Variants in DYTN observed in about 807,000 individuals in gnomAD.
DYTN encodes dystrotelin.
A neutral mutation model predicts 69.6 loss-of-function variants in DYTN; 75 were observed. The observed-to-expected ratio is 1.08, with a 90% CI of 0.89 to 1.31. The LOEUF (loss-of-function observed/expected upper bound fraction) is 1.31. DYTN is among the 50% of genes most tolerant of loss of function. The pLI, the probability that DYTN is intolerant of heterozygous loss-of-function variation, is 0.00. For missense variants in DYTN, 726 were observed against 688.4 expected (o/e 1.05, Z -0.61); for synonymous variants, 252 against 249.1 (o/e 1.01, Z -0.11).
chr2:206,714,667 C>T (rs1700110725), intron 1 of DYTN, among the ~76,000 whole-genome samples: 1 of 143,152 alleles, frequency 7.0e-6, no homozygotes, highest in Non-Finnish European at 1.5e-5. Flanking sequence ...CAGGGCTGTC[C>T]TTCCTAGCAG....
chr2:206,710,435 C>T, intron 2 of DYTN, 89 bp downstream of exon 2: 3 of 1,232,360 alleles, frequency 2.4e-6, no homozygotes, highest in Non-Finnish European at 1.1e-6. Context: ...TAGTCAGCTG[C>T]ATGGGGGGAG....
At chr2:206,691,423 T>A (rs1032476922) in intron 9 of DYTN, among the ~76,000 whole-genome samples, 10 of 151,882 alleles carry the variant, frequency 6.6e-5, no homozygotes, top group Non-Finnish European at 1.0e-4. Context: ...AAAAAAAAAA[T>A]ATATATATGG....
chr2:206,700,690 A>C (rs1699968098), intron 5 of DYTN, among the ~76,000 whole-genome samples: 1 of 151,852 alleles, frequency 6.6e-6, no homozygotes, highest in Non-Finnish European at 1.5e-5. Context: ...GGTTTGCTGC[A>C]CTTACCAACC....
At chr2:206,687,965 C>T (rs1035202282) in intron 9 of DYTN, among the ~76,000 whole-genome samples, 1 of 152,140 alleles carries the variant, frequency 6.6e-6, no homozygotes, top group African/African-American at 2.4e-5. Flanking sequence ...CATAATTTTA[C>T]TATTCTTGTA....
intron 9 of DYTN, among the ~76,000 whole-genome samples, chr2:206,689,092 T>TGC (rs1699839030): frequency 6.6e-6 from 1 of 152,246 alleles, no homozygotes; most frequent in African/African-American, 2.4e-5. Context: ...TCTTTTTAAC[T>TGC]ATGTTTTCAA....
chr2:206,664,559 G>A (rs991580623), intron 10 of DYTN, among the ~76,000 whole-genome samples: 14 of 152,124 alleles, frequency 9.2e-5, no homozygotes, highest in Non-Finnish European at 1.5e-4. Flanking sequence ...TAGCCACGAG[G>A]TTGAGGCGGG....
chr2:206,671,088 G>A (rs1057134835), intron 9 of DYTN, among the ~76,000 whole-genome samples: 1 of 152,020 alleles, frequency 6.6e-6, no homozygotes, highest in Non-Finnish European at 1.5e-5. Context: ...CACACTCTGC[G>A]CCCTGAACTG....
chr2:206,707,810 C>T (rs543171692), intron 2 of DYTN, among the ~76,000 whole-genome samples: 2 of 151,932 alleles, frequency 1.3e-5, no homozygotes, highest in African/African-American at 2.4e-5. Flanking sequence ...AAGTGAGAAA[C>T]GAAAAATACG....
chr2:206,692,062 G>A (rs1390886446), intron 9 of DYTN, among the ~76,000 whole-genome samples: 1 of 152,036 alleles, frequency 6.6e-6, no homozygotes, highest in Non-Finnish European at 1.5e-5. Context: ...GTCACTTGAG[G>A]CCAGGAGTTT....
intron 6 of DYTN, 41 bp downstream of exon 6, chr2:206,700,104 G>T (rs183801955): frequency 6.2e-7 from 1 of 1,611,664 alleles, no homozygotes; most frequent in Non-Finnish European, 8.5e-7. Flanking sequence ...CCAATACACC[G>T]TGTCTGTCCC....
chr2:206,673,164 C>A (rs1382940988), intron 9 of DYTN, among the ~76,000 whole-genome samples: 1 of 152,110 alleles, frequency 6.6e-6, no homozygotes, highest in Non-Finnish European at 1.5e-5. Flanking sequence ...CTCCCAAGCT[C>A]CCACTTGTAA....
At chr2:206,698,490 C>A (rs1002993288) in intron 7 of DYTN, among the ~76,000 whole-genome samples, 3 of 152,120 alleles carry the variant, frequency 2.0e-5, no homozygotes, top group African/African-American at 7.2e-5. Flanking sequence ...CTTCCGGGAA[C>A]CCTCAGTTTT....
chr2:206,705,656 AT>A, intron 4 of DYTN, 131 bp downstream of exon 4: 1 of 712,066 alleles, frequency 1.4e-6, no homozygotes, highest in African/African-American at 1.8e-5. Flanking sequence ...AATAGTAAAT[AT>A]TTTTATTTAA....
intron 9 of DYTN, among the ~76,000 whole-genome samples, chr2:206,669,091 A>G (rs1355585824): frequency 6.6e-6 from 1 of 152,248 alleles, no homozygotes; most frequent in African/African-American, 2.4e-5. Context: ...TACCTAGCAC[A>G]GTGTAGACTA....
intron 9 of DYTN, among the ~76,000 whole-genome samples, chr2:206,682,576 C>T (rs1227318075): frequency 6.6e-6 from 1 of 152,092 alleles, no homozygotes; most frequent in East Asian, 1.9e-4. Flanking sequence ...TGATCCTCTT[C>T]TCTTTCCCCT....
chr2:206,675,145 G>GTGTGTGTGTGTGTGTGTGTGTATA (rs1415225495), intron 9 of DYTN, among the ~76,000 whole-genome samples: 93 of 120,394 alleles, frequency 7.7e-4, no homozygotes, highest in Admixed American at 1.2e-3. Flanking sequence ...GTGTGTGTGT[G>GTGTGTGTGTGTGTGTGTGTGTATA]TATATATGTG....
intron 1 of DYTN, among the ~76,000 whole-genome samples, chr2:206,712,912 G>C (rs2105903197): frequency 6.6e-6 from 1 of 152,300 alleles, no homozygotes; most frequent in African/African-American, 2.4e-5. Flanking sequence ...CAGGGAAGCA[G>C]AATTTTTTTT....
chr2:206,707,644 C>CA, intron 2 of DYTN, 141 bp from the exon 3 acceptor site: 1 of 790,962 alleles, frequency 1.3e-6, no homozygotes, highest in Non-Finnish European at 2.0e-6. Context: ...AATATGACTA[C>CA]TATTTGGACA....
At chr2:206,698,827 A>C (rs1699946835) in intron 7 of DYTN, among the ~76,000 whole-genome samples, 2 of 152,212 alleles carry the variant, frequency 1.3e-5, no homozygotes, top group Admixed American at 1.3e-4. Flanking sequence ...TGTTCTCATG[A>C]ATGCTGATGA....
Sources: allele counts gnomAD v4.1 joint callset (sites outside exome capture counted in the v4.1 genomes callset), GRCh38; gene constraint gnomAD v4.1.1; transcripts MANE v1.5; gene names NCBI Gene and HGNC (gene_info 2026-07-23, HGNC 2026-07-21).